Variants in SARM1 observed in about 807,000 individuals in gnomAD.
SARM1 encodes the protein NAD(+) hydrolase SARM1.
SARM1 carries 60 observed loss-of-function variants against 65.1 expected under a neutral mutation model. That is an observed-to-expected ratio of 0.92 (90% confidence interval 0.75 to 1.14). The LOEUF (loss-of-function observed/expected upper bound fraction) is 1.14, where lower values mean the gene tolerates loss of function less well. Ranked by LOEUF, SARM1 falls within the 50% of genes most tolerant of loss-of-function variation. The pLI, the probability that SARM1 is intolerant of heterozygous loss-of-function variation, is 0.00. For synonymous variants in SARM1, 417 were observed against 465.4 expected (o/e 0.90, Z 1.34); for missense variants, 913 against 1,015.7 (o/e 0.90, Z 1.37).
chr17:28,402,800 G>A lies in SARM1; in HGVS notation c.*6514G>A, dbSNP rs1179256133. ...CTGAGGCATAGGAGGCTGAATAATG[G>A]TGCCCAATGGCATCAGATTCATAGC... On this transcript the variant is annotated 3_prime_UTR_variant, in exon 9 of 9. Transcript: ENST00000585482. 1 of 154,134 alleles carries A rather than the reference G, an allele frequency of 6.5e-6. No homozygotes were observed. The highest frequency in any genetic ancestry group is 2.4e-5 in the African/African-American group (1 of 41,482). The allele number at this position is 154,134 out of a possible 1,614,324, so 9.5% of individuals were successfully genotyped here. A position where few individuals can be genotyped will look rare whatever the true frequency, so the allele number is the denominator to read the frequency against.
In SARM1 at chr17:28,396,412, T is replaced by C; in HGVS notation, c.*126T>C. On this transcript the variant is annotated 3_prime_UTR_variant, in exon 9 of 9. Coordinates refer to ENST00000585482, the MANE Select transcript of SARM1 (RefSeq NM_015077.4). ...GCTCTTCTTAGGAAATGGCTCTCCC[T>C]CCCCCTGTCCCCCACCCTCATGGCC... 3 of 1,023,646 alleles carry C rather than the reference T, an allele frequency of 2.9e-6. No homozygotes were observed. The highest frequency in any genetic ancestry group is 4.3e-6 in the Non-Finnish European group (3 of 691,976). The allele number at this position is 1,023,646 out of a possible 1,614,324, so 63.4% of individuals were successfully genotyped here.
chr17:28,381,059 A>G, intron 1 of SARM1, 144 bp from the exon 2 acceptor site: 1 of 961,498 alleles, frequency 1.0e-6, no homozygotes, highest in Non-Finnish European at 1.5e-6. Context: ...GGAGGAGATG[A>G]GGGTGGGGAG....
chr17:28,391,009 T>A (rs1410104723), intron 7 of SARM1, among the ~76,000 whole-genome samples: 1 of 148,838 alleles, frequency 6.7e-6, no homozygotes, highest in Non-Finnish European at 1.5e-5. Flanking sequence ...CCAAAGCTCA[T>A]CACTTTCCCA....
chr17:28,371,927 C>T lies in SARM1; in HGVS notation c.-106C>T, dbSNP rs1275551276. On this transcript the variant is annotated 5_prime_UTR_variant, in exon 1 of 9. Coordinates refer to ENST00000585482, the MANE Select transcript of SARM1 (RefSeq NM_015077.4). ...TACCCTTCTCTCCATTCCTCCCCCT[C>T]CATCTTCTTTCCCCGACCCCTCTCG... The T allele has an allele frequency of 3.8e-6, 3 of 781,420 alleles. No homozygotes were observed. Among genetic ancestry groups the T allele is most frequent in the Non-Finnish European group, 5.6e-6 (3 of 536,776 alleles). The allele number at this position is 781,420 out of a possible 1,614,324, so 48.4% of individuals were successfully genotyped here.
rs924706333 is a variant in SARM1, at chr17:28,388,197, T to G, written c.1654T>G (p.Cys552Gly). The change falls in exon 6 of 9, where the codon TGT becomes GGT. Residue 552 changes from cysteine to glycine, a missense_variant. Cys to Gly is a radical substitution (Grantham distance 159, BLOSUM62 -3). Coordinates refer to ENST00000585482, the MANE Select transcript of SARM1 (RefSeq NM_015077.4). ...AREMLHSPLP[C>G]TGGKPSGDTP... ...AGAAATGCTACACTCCCCGCTGCCCTGTACTGGTGGCAAACCCAGTGGGGA... is the reference window on the plus strand; with the variant it reads ...AGAAATGCTACACTCCCCGCTGCCCGGTACTGGTGGCAAACCCAGTGGGGA... 2 of 1,549,926 alleles carry G rather than the reference T, an allele frequency of 1.3e-6. No individual in the cohort carries two copies. Among genetic ancestry groups the G allele is most frequent in the Admixed American group, 3.9e-5 (2 of 50,982 alleles).
intron 7 of SARM1, among the ~76,000 whole-genome samples, chr17:28,389,923 A>C (rs1350767505): frequency 6.6e-6 from 1 of 152,140 alleles, no homozygotes; most frequent in Non-Finnish European, 1.5e-5. Context: ...CAGGTAAGCA[A>C]ACATCTTGCT....
At position 28,388,521 on chromosome 17, in the gene SARM1, C is replaced by G; in HGVS notation, c.1905C>G (p.Cys635Trp). The G allele has an allele frequency of 6.2e-7, 1 of 1,613,552 alleles. No individual in the cohort carries two copies. The highest frequency in any genetic ancestry group is 8.5e-7 in the Non-Finnish European group (1 of 1,179,866). The change falls in exon 7 of 9, where the codon TGC (cysteine) becomes TGG (tryptophan). Residue 635 changes from cysteine to tryptophan, a missense_variant. Physicochemically the swap from Cys to Trp is radical, Grantham distance 215. This residue lies in a region of SARM1 where 862 missense variants were observed against 952.1 expected (regional missense o/e 0.91). Transcript: ENST00000585482. Reference sequence around the variant, plus strand: ...ACAAGTGCATGCAAGACCATGACTGCAAGGATTGGGTGCATAAGGTAGGTG... The same window carrying G: ...ACAAGTGCATGCAAGACCATGACTGGAAGGATTGGGTGCATAAGGTAGGTG... ...ALDKCMQDHDCKDWVHKEIVT... is the reference protein window; with the variant it reads ...ALDKCMQDHDWKDWVHKEIVT...
rs2068047746 is a variant in SARM1, at chr17:28,385,751, C to G, written c.1630+476C>G. 6.6e-6 allele frequency among the ~76,000 whole-genome samples: 1 copy of G among 152,312 alleles called. No homozygotes were observed. Among genetic ancestry groups the G allele is most frequent in the South Asian group, 2.1e-4 (1 of 4,828 alleles). ...GTATGTGTGTTATCCTATTGGCCAACAGCTTACAAAATTTGGGTCTAGAGG... is the reference window on the plus strand; with the variant it reads ...GTATGTGTGTTATCCTATTGGCCAAGAGCTTACAAAATTTGGGTCTAGAGG... On this transcript the variant is annotated intron_variant, in intron 5 of 8. Coordinates refer to ENST00000585482, the MANE Select transcript of SARM1 (RefSeq NM_015077.4). The surrounding 1 kb of genome is among the most constrained non-coding windows in gnomAD (Gnocchi z 4.5).
rs782656090 is a variant in SARM1 at position 28,400,692 on chromosome 17, AGAGT to A, written c.*4411_*4414del. 1.2e-5 allele frequency: 20 copies of A among 1,611,960 alleles called. No individual in the cohort carries two copies. Among genetic ancestry groups the A allele is most frequent in the Non-Finnish European group, 1.7e-5 (20 of 1,179,318 alleles). On this transcript the variant is annotated 3_prime_UTR_variant, in exon 9 of 9. Coordinates refer to ENST00000585482, the MANE Select transcript of SARM1 (RefSeq NM_015077.4). ...TTCATAAAGTTCAGAGTGGCTGGGT[AGAGT>A]GAGTTGAAGATGCCGGAGGCCGTCA...
At position 28,388,220 on chromosome 17, in the gene SARM1, G is replaced by C. The variant is rs1555586336; in HGVS notation, c.1677G>C (p.Gly559=). The change falls in exon 6 of 9, where the codon GGG becomes GGC. Residue 559 remains glycine, a synonymous_variant. Transcript: ENST00000585482. ...CCTGTACTGGTGGCAAACCCAGTGG[G>C]GACACTCCAGATGTCTTCATCAGCT... ...PLPCTGGKPS[G]DTPDVFISYR... The C allele has an allele frequency of 6.4e-7, 1 of 1,550,738 alleles. No individual in the cohort carries two copies. The highest frequency in any genetic ancestry group is 2.4e-5 in the East Asian group (1 of 40,974).
At position 28,384,443 on chromosome 17, in the gene SARM1, C is replaced by T. The variant is rs1555585636; in HGVS notation, c.1176C>T (p.Arg392=). The T allele has an allele frequency of 6.2e-7, 1 of 1,613,306 alleles. No individual in the cohort carries two copies. Among genetic ancestry groups the T allele is most frequent in the Non-Finnish European group, 8.5e-7 (1 of 1,179,574 alleles). The change falls in exon 3 of 9, where the codon CGC becomes CGT. Residue 392 remains arginine, a synonymous_variant. Coordinates refer to ENST00000585482, the MANE Select transcript of SARM1 (RefSeq NM_015077.4). This position sits in a 1 kb window ranked among gnomAD's most constrained non-coding sequence, Gnocchi z 4.4. ...GCACTAAGTCGGCGCTGGCCAAGCG[C>T]GCGCTGCGCCTGCTGGGCGAGGAGG... ...TNGTKSALAK[R]ALRLLGEEVP...
intron 7 of SARM1, among the ~76,000 whole-genome samples, chr17:28,393,270 C>T (rs187662465): frequency 1.3e-5 from 2 of 152,188 alleles, no homozygotes; most frequent in South Asian, 2.1e-4. Context: ...AACAGAGGAA[C>T]GAGTGTGGTA....
chr17:28,372,027 G>T lies in SARM1; in HGVS notation c.-6G>T, dbSNP rs1197228339. On this transcript the variant is annotated 5_prime_UTR_variant, in exon 1 of 9. Coordinates refer to ENST00000585482, the MANE Select transcript of SARM1 (RefSeq NM_015077.4). The surrounding 1 kb of genome is among the most constrained non-coding windows in gnomAD (Gnocchi z 5.2). ...GGCCGGGGATGTCCCCCGCGGCCCCGCGCCCATGGTCCTGACGCTGCTTCT... is the reference window on the plus strand; with the variant it reads ...GGCCGGGGATGTCCCCCGCGGCCCCTCGCCCATGGTCCTGACGCTGCTTCT... 2.0e-6 allele frequency: 3 copies of T among 1,488,504 alleles called. No homozygotes were observed. The highest frequency in any genetic ancestry group is 2.9e-5 in the African/African-American group (2 of 68,610). 92.2% of individuals were successfully genotyped at this position (1,488,504 alleles called of 1,614,324 possible).
rs1180495255 is a variant in SARM1, at chr17:28,402,093, A to G, written c.*5807A>G. 5 of 659,186 alleles carry G rather than the reference A, an allele frequency of 7.6e-6. No homozygotes were observed. In the East Asian group the frequency reaches 1.4e-4, roughly 18 times the overall value. The allele number at this position is 659,186 out of a possible 1,614,324, so 40.8% of individuals were successfully genotyped here. ...TCCTCTGCCCATTGTGGGCAATTTCACAGAAATGTGTTTGTTTTGGCCACT... is the reference window on the plus strand; with the variant it reads ...TCCTCTGCCCATTGTGGGCAATTTCGCAGAAATGTGTTTGTTTTGGCCACT... On this transcript the variant is annotated 3_prime_UTR_variant, in exon 9 of 9. Coordinates refer to ENST00000585482, the MANE Select transcript of SARM1 (RefSeq NM_015077.4).
chr17:28,384,326 A>T lies in SARM1; in HGVS notation c.1090-31A>T. 1 of 1,520,160 alleles carries T rather than the reference A, an allele frequency of 6.6e-7. No individual in the cohort carries two copies. Among genetic ancestry groups the T allele is most frequent in the South Asian group, 1.3e-5 (1 of 78,024 alleles). The allele number at this position is 1,520,160 out of a possible 1,614,324, so 94.2% of individuals were successfully genotyped here. The stretch of plus-strand genomic sequence containing the variant: ...TGGGAGCACCTGGAGAGCTGGTGGG[A>T]CCTACAGCCCTCTCCCCACTCCCTC... On this transcript the variant is annotated intron_variant, in intron 2 of 8. Coordinates refer to ENST00000585482, the MANE Select transcript of SARM1 (RefSeq NM_015077.4). This position sits in a 1 kb window ranked among gnomAD's most constrained non-coding sequence, Gnocchi z 4.4.
chr17:28,380,103 T>C (rs2068014104), intron 1 of SARM1, among the ~76,000 whole-genome samples: 2 of 151,454 alleles, frequency 1.3e-5, no homozygotes, highest in South Asian at 4.2e-4. Flanking sequence ...TTTTTTTTCT[T>C]TTGACACAGG....
rs1443666680 is a variant in SARM1, at chr17:28,384,694, C to G, written c.1302+125C>G. The stretch of plus-strand genomic sequence containing the variant: ...CGCTTTTGGGGGCGGGGAGCCTGTA[C>G]GCAGCCACCGTTAGGGTCACTCGGC... On this transcript the variant is annotated intron_variant, in intron 3 of 8. Coordinates refer to ENST00000585482, the MANE Select transcript of SARM1 (RefSeq NM_015077.4). The surrounding 1 kb of genome is among the most constrained non-coding windows in gnomAD (Gnocchi z 4.4). The G allele has an allele frequency of 2.5e-6, 3 of 1,201,688 alleles. No individual in the cohort carries two copies. Among genetic ancestry groups the G allele is most frequent in the Non-Finnish European group, 3.5e-6 (3 of 852,304 alleles). The allele number at this position is 1,201,688 out of a possible 1,614,324, so 74.4% of individuals were successfully genotyped here.
At chr17:28,380,635 G>T (rs2068017534) in intron 1 of SARM1, among the ~76,000 whole-genome samples, 2 of 152,222 alleles carry the variant, frequency 1.3e-5, no homozygotes, top group Admixed American at 1.3e-4. Flanking sequence ...ATATGCCCCG[G>T]TCATGGGCCA....
At chr17:28,393,228 G>A (rs977689621) in intron 7 of SARM1, among the ~76,000 whole-genome samples, 1 of 152,102 alleles carries the variant, frequency 6.6e-6, no homozygotes. Flanking sequence ...TGAAGACAGG[G>A]ACTATCATTA....
Sources: allele counts gnomAD v4.1 joint callset (sites outside exome capture counted in the v4.1 genomes callset), GRCh38; gene constraint gnomAD v4.1.1; regional missense constraint gnomAD v4.1.1; non-coding constraint Gnocchi (gnomAD v3.1); transcripts MANE v1.5; gene names NCBI Gene and HGNC (gene_info 2026-07-23, HGNC 2026-07-21).